POLRMT: variants seen among roughly 807,000 people sequenced by gnomAD.
The protein encoded by POLRMT is RNA polymerase mitochondrial, also known as DNA-directed RNA polymerase, mitochondrial.
Under a neutral mutation model 132.2 loss-of-function variants are expected in POLRMT, and 114 were observed. The ratio of observed to expected loss-of-function variants is 0.86; its 90% confidence interval spans 0.74 to 1.01. POLRMT has a LOEUF of 1.01. Ranked by LOEUF, POLRMT falls within the 50% of genes least tolerant of loss-of-function variation. The probability of loss-of-function intolerance (pLI) is 0.00; values close to 1 mark genes in which losing one functional copy is unlikely to be tolerated. For missense variants in POLRMT, 2,003 were observed against 1,729.1 expected, an observed-to-expected ratio of 1.16 and a Z score of -2.81; for synonymous variants, 1,020 against 773.4, an observed-to-expected ratio of 1.32 and a Z score of -5.29.
Position 622,224 on chromosome 19 carries a change from G to A in POLRMT, c.1776C>T (p.Ser592=), listed in dbSNP as rs541482147. Residue 592 remains serine (S), a synonymous_variant, in exon 9 of 21, where the codon AGC becomes AGT. Coordinates refer to ENST00000588649, the MANE Select transcript of POLRMT (RefSeq NM_005035.4). The part of the protein sequence containing the change: ...MLVQATQMPC[S]LDKPHRSSRL... ...GAGAGGAACGATGCGGCTTGTCCAG[G>A]CTGCATGGCATCTGCGTAGCCTGCA... The A allele has an allele frequency of 2.6e-6, 4 of 1,564,122 alleles. No individual in the cohort carries two copies. The highest frequency in any genetic ancestry group is 2.1e-4 in the Middle Eastern group (1 of 4,782).
Position 621,612 on chromosome 19 carries a change from G to C in POLRMT, c.2086C>G (p.Leu696Val), listed in dbSNP as rs1471198829. ...TCPPTALHGA[L>V]DALTQLGNCA... ...TTGCCCAGTTGGGTGAGGGCGTCCA[G>C]TGCGCCATGCAGCGCGGTGGGCGGG... The change falls in exon 10 of 21, where the codon CTG becomes GTG. Residue 696 changes from leucine (L) to valine (V), a missense_variant. By Grantham distance (32) the Leu-to-Val change is conservative. Coordinates refer to ENST00000588649, the MANE Select transcript of POLRMT (RefSeq NM_005035.4). 6.6e-7 allele frequency: 1 copy of C among 1,514,008 alleles called. No homozygotes were observed. Among genetic ancestry groups the C allele is most frequent in the Non-Finnish European group, 8.8e-7 (1 of 1,133,826 alleles). 93.8% of individuals were successfully genotyped at this position (1,514,008 alleles called of 1,614,324 possible). A position where few individuals can be genotyped will look rare whatever the true frequency, so the allele number is the denominator to read the frequency against.
rs779184986 is a variant in POLRMT at position 633,424 on chromosome 19, C to G, written c.88+1G>C. ...TGCCTGGCCGTCTCCCTTTGTGTTA[C>G]CTTCTTTGCCGGGGAGTCCCGGGCG... is the stretch of plus-strand genomic sequence containing the variant. On this transcript the variant is annotated splice_donor_variant, in intron 1 of 20. Coordinates refer to ENST00000588649, the MANE Select transcript of POLRMT (RefSeq NM_005035.4). LOFTEE classifies it high-confidence loss of function. 1 of 1,545,932 alleles carries G rather than the reference C, an allele frequency of 6.5e-7. No individual in the cohort carries two copies. Among genetic ancestry groups the G allele is most frequent in the South Asian group, 1.2e-5 (1 of 81,908 alleles).
intron 3 of POLRMT, among the ~76,000 whole-genome samples, chr19:626,890 C>CAT (rs1985058202): frequency 7.0e-6 from 1 of 142,012 alleles, no homozygotes; most frequent in African/African-American, 2.7e-5. Context: ...AAAATATACA[C>CAT]ACACACACAT....
chr19:629,765 A>T lies in POLRMT; in HGVS notation c.597T>A (p.Pro199=). The change falls in exon 3 of 21, where the codon CCT becomes CCA. Residue 199 remains proline (P), a synonymous_variant. Coordinates refer to ENST00000588649, the MANE Select transcript of POLRMT (RefSeq NM_005035.4). ...EQLARLLQEA[P]GKLSLDVEQA... ...GCTCCACATCGAGGCTCAGCTTCCC[A>T]GGGGCCTCCTGCAGCAGCCGGGCCA... is the stretch of plus-strand genomic sequence containing the variant. 1 of 1,569,394 alleles carries T rather than the reference A, an allele frequency of 6.4e-7. No homozygotes were observed.
chr19:627,141 T>C (rs921393906), intron 3 of POLRMT, among the ~76,000 whole-genome samples: 4 of 146,644 alleles, frequency 2.7e-5, no homozygotes, highest in Non-Finnish European at 6.0e-5. Flanking sequence ...GACATGAGTT[T>C]TGGGGCATTT....
chr19:620,439 A>C lies in POLRMT; in HGVS notation c.2689T>G (p.Cys897Gly). The change falls in exon 11 of 21, where the codon TGC (cysteine) becomes GGC (glycine). Residue 897 changes from cysteine (C) to glycine (G), a missense_variant. Physicochemically the swap from Cys to Gly is radical, Grantham distance 159. Transcript: ENST00000588649. The part of the protein sequence containing the change: ...GAEEPWQTLA[C>G]CMEVANAVRA... ...ACAGCGTTCGCCACCTCCATACAGC[A>C]GGCCAGCGTCTGCCAGGGTTCCTCC... is the stretch of plus-strand genomic sequence containing the variant. 1 of 1,599,296 alleles carries C rather than the reference A, an allele frequency of 6.3e-7. No individual in the cohort carries two copies. The highest frequency in any genetic ancestry group is 8.5e-7 in the Non-Finnish European group (1 of 1,173,292).
rs1192977930 is a variant in POLRMT at position 618,377 on chromosome 19, ACT to A, written c.3422+109_3422+110del. 4 of 818,974 alleles carry A rather than the reference ACT, an allele frequency of 4.9e-6. No homozygotes were observed. In the East Asian group the frequency reaches 1.1e-4, roughly 22 times the overall value. The allele number at this position is 818,974 out of a possible 1,614,324, so 50.7% of individuals were successfully genotyped here. On this transcript the variant is annotated intron_variant, in intron 17 of 20. Transcript: ENST00000588649. Reference sequence around the variant, plus strand: ...CAGGCCCCACAGACACAGCAGATCCACTCTGCCCAGTCCCTGCCCCCAGCTAG... The same window carrying A: ...CAGGCCCCACAGACACAGCAGATCCACTGCCCAGTCCCTGCCCCCAGCTAG...
intron 2 of POLRMT, 59 bp downstream of exon 2, chr19:632,775 T>TCCCCCC: frequency 7.1e-7 from 1 of 1,411,484 alleles, no homozygotes. Context: ...CTTTGCCTTT[T>TCCCCCC]CTCCCGGCAG....
chr19:630,034 C>T lies in POLRMT; in HGVS notation c.328G>A (p.Gly110Arg). ...GGCACCGGGGTGGCATCCTTGGCCCCCATCTGGACCTTCCTGGGTGGCTGG... is the reference window on the plus strand; with the variant it reads ...GGCACCGGGGTGGCATCCTTGGCCCTCATCTGGACCTTCCTGGGTGGCTGG... ...SLQPPRKVQMGAKDATPVPCG... is the reference protein window; with the variant it reads ...SLQPPRKVQMRAKDATPVPCG... The change falls in exon 3 of 21, where the codon GGG (glycine) becomes AGG (arginine). Residue 110 changes from glycine to arginine, a missense_variant. By Grantham distance (125) the Gly-to-Arg change is moderately radical (BLOSUM62 -2). Coordinates refer to ENST00000588649, the MANE Select transcript of POLRMT (RefSeq NM_005035.4). The T allele has an allele frequency of 6.2e-7, 1 of 1,613,908 alleles. No individual in the cohort carries two copies. The highest frequency in any genetic ancestry group is 8.5e-7 in the Non-Finnish European group (1 of 1,180,028).
rs778207346 is a variant in POLRMT at position 617,609 on chromosome 19, T to C, written c.3542A>G (p.Gln1181Arg). ...FVRLHSEPIL[Q>R]DLSRFLVKRF... ...CTTGACCAGGAATCTGGACAGGTCC[T>C]GCAGGATGGGCTCGCTGTGCAAGCG... Residue 1181 changes from glutamine (Q) to arginine (R), a missense_variant, in exon 19 of 21, where the codon CAG (glutamine) becomes CGG (arginine). Physicochemically the swap from Gln to Arg is conservative, Grantham distance 43. Transcript: ENST00000588649. 6.8e-6 allele frequency: 11 copies of C among 1,612,370 alleles called. No homozygotes were observed. In the African/African-American group the frequency reaches 1.3e-4, roughly 20 times the overall value.
At chr19:631,338 AGG>A (rs58594494) in intron 2 of POLRMT, among the ~76,000 whole-genome samples, 1 of 113,358 alleles carries the variant, frequency 8.8e-6, no homozygotes, top group Non-Finnish European at 1.8e-5. Context: ...AAAAAAAAAA[AGG>A]GGGGGGGGGA....
chr19:626,383 A>AC (rs1034349231), intron 3 of POLRMT, among the ~76,000 whole-genome samples: 1 of 145,594 alleles, frequency 6.9e-6, no homozygotes, highest in Non-Finnish European at 1.5e-5. Flanking sequence ...CCAACTCCTG[A>AC]CCTCAGGGGA....
intron 3 of POLRMT, 130 bp from the exon 4 acceptor site, chr19:625,384 G>C: frequency 7.8e-7 from 1 of 1,288,604 alleles, no homozygotes; most frequent in South Asian, 1.5e-5. Flanking sequence ...GGAGTGGCCA[G>C]CTGGGCAGAC....
At chr19:633,369 G>A (rs1985568989) in intron 1 of POLRMT, 56 bp downstream of exon 1, 3 of 1,431,652 alleles carry the variant, frequency 2.1e-6, no homozygotes, top group East Asian at 2.9e-5. Flanking sequence ...CCGGCCGCGC[G>A]GGGAGGAGCC....
intron 16 of POLRMT, 49 bp from the exon 17 acceptor site, chr19:618,635 C>A: frequency 6.3e-7 from 1 of 1,600,000 alleles, no homozygotes; most frequent in Non-Finnish European, 8.5e-7. Flanking sequence ...ACACCCCTAA[C>A]TGGCCGCTGT....
chr19:618,830 TACACTGGGGTAGTGGC>T, intron 15 of POLRMT, 70 bp from the exon 16 acceptor site: 1 of 1,505,062 alleles, frequency 6.6e-7, no homozygotes, highest in Non-Finnish European at 9.0e-7. Context: ...GAGGTGGTGG[TACACTGGGGTAGTGGC>T]ACGCTAGGAT....
chr19:625,964 G>C (rs550385101), intron 3 of POLRMT, among the ~76,000 whole-genome samples: 10 of 152,094 alleles, frequency 6.6e-5, no homozygotes, highest in East Asian at 3.9e-4. Context: ...GCCTCCCAAA[G>C]TGCTGGGATG....
chr19:617,716 C>T, intron 18 of POLRMT, 61 bp from the exon 19 acceptor site: 1 of 1,611,430 alleles, frequency 6.2e-7, no homozygotes, highest in East Asian at 2.2e-5. Flanking sequence ...CCACCCCTAC[C>T]CAACGCCCCA....
rs756790270 is a variant in POLRMT, at chr19:621,392, G to A, written c.2306C>T (p.Ala769Val). ...RRELAHCQKV[A>V]REMHSLRAEA... ...CGCCCGCAGGCTGTGCATCTCCCGG[G>A]CCACCTTCTGGCAGTGCGCCAGCTC... The change falls in exon 10 of 21, where the codon GCC becomes GTC. Residue 769 changes from alanine (A) to valine (V), a missense_variant. By Grantham distance (64) the Ala-to-Val change is moderately conservative. Coordinates refer to ENST00000588649, the MANE Select transcript of POLRMT (RefSeq NM_005035.4). The A allele has an allele frequency of 9.1e-6, 14 of 1,535,074 alleles. No homozygotes were observed. Among genetic ancestry groups the A allele is most frequent in the Non-Finnish European group, 1.1e-5 (13 of 1,147,818 alleles).
Sources: gnomAD v4.1 joint callset for allele counts (sites outside exome capture counted in the v4.1 genomes callset) on GRCh38, gnomAD v4.1.1 for gene constraint, MANE v1.5 for transcripts, NCBI Gene and HGNC (gene_info 2026-07-23, HGNC 2026-07-21) for gene names.